Variants in BRINP3 observed in about 807,000 individuals in gnomAD.
BRINP3 encodes the protein BMP/retinoic acid inducible neural specific 3.
In BRINP3, 19 loss-of-function variants were observed where a neutral mutation model predicts 71.0. That is an observed-to-expected ratio of 0.27 (90% confidence interval 0.19 to 0.39). BRINP3 has a LOEUF of 0.39. Ranked by LOEUF, BRINP3 falls within the 10% of genes least tolerant of loss-of-function variation. BRINP3 has a pLI of 1.00. For missense variants in BRINP3, 959 were observed against 940.8 expected, an observed-to-expected ratio of 1.02 and a Z score of -0.25; for synonymous variants, 380 against 337.7, an observed-to-expected ratio of 1.13 and a Z score of -1.37.
At chr1:190,208,135 A>G (rs566787923) in intron 6 of BRINP3, among the ~76,000 whole-genome samples, 1 of 149,790 alleles carries the variant, frequency 6.7e-6, no homozygotes, top group Non-Finnish European at 1.5e-5. Context: ...TATTTTTTTT[A>G]TTTTTGTAAA....
intron 6 of BRINP3, among the ~76,000 whole-genome samples, chr1:190,198,555 G>A (rs1345319362): frequency 6.6e-6 from 1 of 152,022 alleles, no homozygotes; most frequent in Non-Finnish European, 1.5e-5. Context: ...AAACACACCA[G>A]ATGTGTTTCT....
At chr1:190,316,381 G>A (rs1665883441) in intron 2 of BRINP3, among the ~76,000 whole-genome samples, 1 of 152,056 alleles carries the variant, frequency 6.6e-6, no homozygotes, top group Admixed American at 6.6e-5. Context: ...AGTCAGAATT[G>A]AGCCAAAGAA....
At chr1:190,152,709 T>A (rs1656523024) in intron 7 of BRINP3, among the ~76,000 whole-genome samples, 1 of 151,990 alleles carries the variant, frequency 6.6e-6, no homozygotes, top group Admixed American at 6.6e-5. Context: ...TATGTCCTAA[T>A]CTTTCATCCG....
At chr1:190,136,542 T>C (rs978644033) in intron 7 of BRINP3, among the ~76,000 whole-genome samples, 4 of 152,144 alleles carry the variant, frequency 2.6e-5, no homozygotes, top group Non-Finnish European at 4.4e-5. Context: ...CTTTGAATAA[T>C]CTTGTTTGTC....
chr1:190,451,712 T>C (rs149895459), intron 2 of BRINP3, among the ~76,000 whole-genome samples: 1 of 152,262 alleles, frequency 6.6e-6, no homozygotes, highest in East Asian at 1.9e-4. Flanking sequence ...TTTAAAAACA[T>C]AAATGTAAGT....
At chr1:190,140,440 T>G (rs528292943) in intron 7 of BRINP3, among the ~76,000 whole-genome samples, 2 of 152,130 alleles carry the variant, frequency 1.3e-5, no homozygotes, top group Non-Finnish European at 1.5e-5. Context: ...CTGATATATC[T>G]GTTTACTTAA....
chr1:190,337,779 A>G (rs2103100472), intron 2 of BRINP3, among the ~76,000 whole-genome samples: 1 of 152,154 alleles, frequency 6.6e-6, no homozygotes, highest in South Asian at 2.1e-4. Flanking sequence ...TTTCATATAT[A>G]CACCTATCCT....
chr1:190,383,072 T>C (rs1003687634), intron 2 of BRINP3, among the ~76,000 whole-genome samples: 5 of 152,170 alleles, frequency 3.3e-5, no homozygotes, highest in African/African-American at 7.2e-5. Flanking sequence ...AATTAGTATA[T>C]TGGCACTCTT....
intron 4 of BRINP3, among the ~76,000 whole-genome samples, chr1:190,247,145 T>A (rs558704820): frequency 1.1e-3 from 170 of 151,950 alleles, no homozygotes; most frequent in African/African-American, 3.1e-3. Context: ...ATGAAGCAAT[T>A]CGGTTACCAA....
chr1:190,210,730 G>A (rs1218657842), intron 6 of BRINP3, among the ~76,000 whole-genome samples: 3 of 151,990 alleles, frequency 2.0e-5, no homozygotes, highest in Admixed American at 2.0e-4. Context: ...CAACTTGATT[G>A]GCAAAGTATT....
chr1:190,261,441 A>G (rs149022511), intron 4 of BRINP3, among the ~76,000 whole-genome samples: 1 of 133,886 alleles, frequency 7.5e-6, no homozygotes, highest in Non-Finnish European at 1.6e-5. Flanking sequence ...ACAGATTAAC[A>G]AAGTATAGTC....
At chr1:190,269,604 G>A (rs1304356305) in intron 3 of BRINP3, among the ~76,000 whole-genome samples, 1 of 152,036 alleles carries the variant, frequency 6.6e-6, no homozygotes, top group Non-Finnish European at 1.5e-5. Context: ...TAGGAAAAGA[G>A]TGTTCAGACA....
chr1:190,270,419 G>T (rs929957417), intron 3 of BRINP3, among the ~76,000 whole-genome samples: 9 of 151,562 alleles, frequency 5.9e-5, no homozygotes, highest in Non-Finnish European at 1.3e-4. Flanking sequence ...GATACTAATT[G>T]TATATCATGT....
At chr1:190,221,900 T>G (rs1340666627) in intron 6 of BRINP3, among the ~76,000 whole-genome samples, 1 of 152,082 alleles carries the variant, frequency 6.6e-6, no homozygotes, top group Non-Finnish European at 1.5e-5. Flanking sequence ...CAACAGAGTT[T>G]CCTATAAGTA....
intron 2 of BRINP3, among the ~76,000 whole-genome samples, chr1:190,416,174 C>T (rs1171044): frequency 0.73 from 110,854 of 151,980 alleles, 40,796 homozygotes; most frequent in Non-Finnish European, 0.78. Flanking sequence ...TTCAAAGGTT[C>T]ATGTCATTAA....
At chr1:190,331,511 G>C (rs764052911) in intron 2 of BRINP3, among the ~76,000 whole-genome samples, 2 of 151,984 alleles carry the variant, frequency 1.3e-5, no homozygotes, top group Non-Finnish European at 2.9e-5. Context: ...AAAGTTGTTT[G>C]CTGTTGTTCT....
intron 2 of BRINP3, among the ~76,000 whole-genome samples, chr1:190,386,862 T>G (rs185098115): frequency 1.3e-5 from 2 of 152,200 alleles, no homozygotes; most frequent in Admixed American, 6.6e-5. Context: ...GGGTAAAAAT[T>G]TGTTTATTAT....
At chr1:190,314,148 G>GA (rs1279042439) in intron 2 of BRINP3, among the ~76,000 whole-genome samples, 12 of 152,000 alleles carry the variant, frequency 7.9e-5, no homozygotes, top group Non-Finnish European at 1.6e-4. Context: ...CATAGACCTT[G>GA]ATGTCTATCA....
At chr1:190,099,287 G>T (rs1651479941) in intron 7 of BRINP3, among the ~76,000 whole-genome samples, 153 bp from the exon 8 acceptor site, 1 of 131,174 alleles carries the variant, frequency 7.6e-6, no homozygotes, top group Non-Finnish European at 1.6e-5. Flanking sequence ...CTCATAATTA[G>T]ACTATATAAT....
Sources: allele counts gnomAD v4.1 joint callset (sites outside exome capture counted in the v4.1 genomes callset), GRCh38; gene constraint gnomAD v4.1.1; transcripts MANE v1.5; gene names NCBI Gene and HGNC (gene_info 2026-07-23, HGNC 2026-07-21).